The following TRAPPC10 variants were observed in gnomAD, a reference collection of about 807,000 sequenced individuals.
The protein encoded by TRAPPC10 is trafficking protein particle complex subunit 10.
A neutral mutation model predicts 125.5 loss-of-function variants in TRAPPC10; 23 were observed. That is an observed-to-expected ratio of 0.18 (90% CI 0.13 to 0.26). TRAPPC10 has a LOEUF of 0.26. Among genes scored for constraint, TRAPPC10 ranks in the 10% least tolerant of loss-of-function variants. The pLI is 1.00. For synonymous variants in TRAPPC10, 509 were observed against 518.0 expected, an observed-to-expected ratio of 0.98 and a Z score of 0.24; for missense variants, 1,123 against 1,308.4, an observed-to-expected ratio of 0.86 and a Z score of 2.19.
In TRAPPC10 at chr21:44,037,200, C is replaced by T. The variant is rs546949624; in HGVS notation, c.150-592C>T. 3.9e-5 allele frequency among the ~76,000 whole-genome samples: 6 copies of T among 152,212 alleles called. No individual in the cohort carries two copies. The South Asian group carries it at 6.2e-4, about 16-fold the overall frequency. Reference sequence around the variant, plus strand: ...TTCACTGTTAGAAGCATCGTTAGGCCGTCACTGAGAGCCTTGGATGAGATG... The same window carrying T: ...TTCACTGTTAGAAGCATCGTTAGGCTGTCACTGAGAGCCTTGGATGAGATG... On this transcript the variant is annotated intron_variant, in intron 2 of 22. Transcript: ENST00000291574.
chr21:44,030,317 GT>G (rs2033463675), intron 1 of TRAPPC10, among the ~76,000 whole-genome samples: 1 of 152,098 alleles, frequency 6.6e-6, no homozygotes, highest in African/African-American at 2.4e-5. Context: ...ATTCCATTTA[GT>G]TGGCTTACTT....
In TRAPPC10 at chr21:44,040,518, T is replaced by C. The variant is rs527463672; in HGVS notation, c.285+2591T>C. Among the ~76,000 whole-genome samples the C allele has an allele frequency of 5.3e-5, 8 of 152,266 alleles. No homozygotes were observed. The South Asian group carries it at 1.4e-3, about 28-fold the overall frequency. ...GCCCAGCTAATTTTTTTGTATTTTC[T>C]GTAGAGATAGGGTTTTGCCATGTTG... is the stretch of plus-strand genomic sequence containing the variant. On this transcript the variant is annotated intron_variant, in intron 3 of 22. Transcript: ENST00000291574.
Position 44,059,652 on chromosome 21 carries a change from T to C in TRAPPC10, c.790+438T>C, listed in dbSNP as rs78596892. 1 of 584,170 alleles carries C rather than the reference T, an allele frequency of 1.7e-6. No homozygotes were observed. The highest frequency in any genetic ancestry group is 1.9e-5 in the African/African-American group (1 of 53,960). 36.2% of individuals were successfully genotyped at this position (584,170 alleles called of 1,614,324 possible). A position where few individuals can be genotyped will look rare whatever the true frequency, so the allele number is the denominator to read the frequency against. On this transcript the variant is annotated intron_variant, in intron 6 of 22. Coordinates refer to ENST00000291574, the MANE Select transcript of TRAPPC10 (RefSeq NM_003274.5). This position sits in a 1 kb window ranked among gnomAD's most constrained non-coding sequence, Gnocchi z 4.4. Reference sequence around the variant, plus strand: ...ATCTTTCTTTTGCACTTTTAAATAATATCTTAAGCTCCTTTACAATTAAAG... The same window carrying C: ...ATCTTTCTTTTGCACTTTTAAATAACATCTTAAGCTCCTTTACAATTAAAG...
In TRAPPC10 at chr21:44,059,238, G is replaced by C. The variant is rs377437026; in HGVS notation, c.790+24G>C. Reference sequence around the variant, plus strand: ...GGGTGAGTAGTGGCACTTCAGTAACGCATGCTTTTCTTAGTGTGGCTTTCT... The same window carrying C: ...GGGTGAGTAGTGGCACTTCAGTAACCCATGCTTTTCTTAGTGTGGCTTTCT... On this transcript the variant is annotated intron_variant, in intron 6 of 22. Coordinates refer to ENST00000291574, the MANE Select transcript of TRAPPC10 (RefSeq NM_003274.5). This position sits in a 1 kb window ranked among gnomAD's most constrained non-coding sequence, Gnocchi z 4.4. 2 of 1,539,728 alleles carry C rather than the reference G, an allele frequency of 1.3e-6. No homozygotes were observed. The highest frequency in any genetic ancestry group is 1.8e-6 in the Non-Finnish European group (2 of 1,131,402).
chr21:44,052,435 G>C lies in TRAPPC10; in HGVS notation c.441G>C (p.Val147=). The C allele has an allele frequency of 1.2e-6, 2 of 1,604,350 alleles. No individual in the cohort carries two copies. Among genetic ancestry groups the C allele is most frequent in the Non-Finnish European group, 1.7e-6 (2 of 1,177,688 alleles). Reference sequence around the variant, plus strand: ...ACATCCTTCCCCGAACCTCTATTGTGGACAAAATAAGAAATGATTTTTGTA... The same window carrying C: ...ACATCCTTCCCCGAACCTCTATTGTCGACAAAATAAGAAATGATTTTTGTA... The part of the protein sequence containing the change: ...KTNILPRTSI[V]DKIRNDFCNK... Residue 147 remains valine, a synonymous_variant, in exon 4 of 23, where the codon GTG becomes GTC. Coordinates refer to ENST00000291574, the MANE Select transcript of TRAPPC10 (RefSeq NM_003274.5).
At chr21:44,060,703 C>T (rs556660514) in intron 6 of TRAPPC10, among the ~76,000 whole-genome samples, 33 of 151,624 alleles carry the variant, frequency 2.2e-4, no homozygotes, top group Admixed American at 2.0e-4. Flanking sequence ...AGGGTTCAAG[C>T]GATTTTCGTG....
chr21:44,075,083 A>T lies in TRAPPC10; in HGVS notation c.1230A>T (p.Gly410=), dbSNP rs1165597006. Residue 410 remains glycine (G), a synonymous_variant, in exon 9 of 23, where the codon GGA becomes GGT. Transcript: ENST00000291574. ...TATGTGGACTTGTGTCAGAGAAAGG[A>T]CCTAACTCAGAAGATCTCAACAGGA... The part of the protein sequence containing the change: ...GYLCGLVSEK[G]PNSEDLNRTV... The T allele has an allele frequency of 3.1e-6, 5 of 1,614,072 alleles. No individual in the cohort carries two copies. The highest frequency in any genetic ancestry group is 4.2e-6 in the Non-Finnish European group (5 of 1,180,014).
chr21:44,022,213 A>G (rs995397363), intron 1 of TRAPPC10, among the ~76,000 whole-genome samples: 1 of 150,380 alleles, frequency 6.6e-6, no homozygotes, highest in African/African-American at 2.4e-5. Context: ...GGTTCAAGCA[A>G]CTCTTCTGCC....
chr21:44,044,749 C>T (rs944151457), intron 3 of TRAPPC10, among the ~76,000 whole-genome samples: 79 of 150,780 alleles, frequency 5.2e-4, no homozygotes, highest in Admixed American at 1.3e-3. Context: ...CTGCAACCTC[C>T]GCCTCCCAGG....
chr21:44,019,738 G>A (rs2032283685), intron 1 of TRAPPC10, among the ~76,000 whole-genome samples: 1 of 152,178 alleles, frequency 6.6e-6, no homozygotes, highest in Non-Finnish European at 1.5e-5. Flanking sequence ...GGTTTTGAGG[G>A]TTAGGATGTT....
At chr21:44,065,512 C>T (rs973554428) in intron 7 of TRAPPC10, among the ~76,000 whole-genome samples, 2 of 152,218 alleles carry the variant, frequency 1.3e-5, no homozygotes, top group East Asian at 1.9e-4. Flanking sequence ...TTGAGTTCTG[C>T]ATCTCCAGTG....
intron 6 of TRAPPC10, chr21:44,060,274 T>G (rs1365762980): frequency 1.5e-5 from 2 of 129,784 alleles, no homozygotes; most frequent in East Asian, 4.4e-4. Flanking sequence ...ATTTTATGTG[T>G]CTTTTTTTTT....
At chr21:44,095,723 C>T (rs748959303) in intron 20 of TRAPPC10, among the ~76,000 whole-genome samples, 10 of 152,056 alleles carry the variant, frequency 6.6e-5, no homozygotes, top group Non-Finnish European at 1.3e-4. Context: ...GCTGTGCCAC[C>T]ACGCCTGGCT....
intron 1 of TRAPPC10, 47 bp from the exon 2 acceptor site, chr21:44,032,044 T>C: frequency 2.0e-6 from 3 of 1,497,134 alleles, no homozygotes; most frequent in Non-Finnish European, 2.8e-6. Context: ...ATTTTGCATG[T>C]ATTCACCTAA....
chr21:44,055,672 C>T (rs1184076761), intron 4 of TRAPPC10, 26 bp from the exon 5 acceptor site: 5 of 1,563,176 alleles, frequency 3.2e-6, no homozygotes, highest in East Asian at 2.3e-5. Flanking sequence ...GGGTCTTTCC[C>T]AGATAGTCTG....
intron 2 of TRAPPC10, among the ~76,000 whole-genome samples, chr21:44,035,667 C>T (rs2033934539): frequency 6.6e-6 from 1 of 152,086 alleles, no homozygotes; most frequent in Non-Finnish European, 1.5e-5. Context: ...ATCCCAACTA[C>T]CCGGGAGGCT....
intron 6 of TRAPPC10, among the ~76,000 whole-genome samples, chr21:44,061,279 G>A (rs2036033735): frequency 6.6e-6 from 1 of 152,190 alleles, no homozygotes; most frequent in Non-Finnish European, 1.5e-5. Flanking sequence ...TGCGACTACA[G>A]GTGCCCGCCA....
intron 9 of TRAPPC10, among the ~76,000 whole-genome samples, chr21:44,075,750 A>G (rs915657664): frequency 6.6e-6 from 1 of 152,130 alleles, no homozygotes; most frequent in Non-Finnish European, 1.5e-5. Context: ...CCTCCCAGCA[A>G]ATTTTTTAAA....
intron 18 of TRAPPC10, among the ~76,000 whole-genome samples, chr21:44,091,036 C>T (rs1268428528): frequency 6.6e-6 from 1 of 151,806 alleles, no homozygotes; most frequent in Non-Finnish European, 1.5e-5. Context: ...ACTAAAAATA[C>T]AAAAATTAGC....
Sources: gnomAD v4.1 joint callset for allele counts (sites outside exome capture counted in the v4.1 genomes callset) on GRCh38, gnomAD v4.1.1 for gene constraint, Gnocchi (gnomAD v3.1) non-coding constraint, MANE v1.5 for transcripts, NCBI Gene and HGNC (gene_info 2026-07-23, HGNC 2026-07-21) for gene names.